The following ABI2 variants were observed in gnomAD, a reference collection of about 807,000 sequenced individuals.
The protein encoded by ABI2 is abl interactor 2.
Under a neutral mutation model 59.2 loss-of-function variants are expected in ABI2, and 25 were observed. The observed-to-expected ratio is 0.42, with a 90% confidence interval of 0.31 to 0.59. ABI2 has a LOEUF of 0.59. Ranked by LOEUF, ABI2 falls within the 20% of genes least tolerant of loss-of-function variation. The pLI is 0.14. For missense variants in ABI2, 545 were observed against 681.8 expected (o/e 0.80, Z 2.23); for synonymous variants, 213 against 235.5 (o/e 0.90, Z 0.87).
At chr2:203,350,887 TGTGTGC>T (rs760934002) in intron 1 of ABI2, among the ~76,000 whole-genome samples, 402 of 114,308 alleles carry the variant, frequency 3.5e-3, no homozygotes, top group African/African-American at 8.7e-3. Flanking sequence ...TGTGTGTGTG[TGTGTGC>T]GCGCGCGCAT....
intron 8 of ABI2, among the ~76,000 whole-genome samples, chr2:203,399,754 A>G (rs1234137013): frequency 6.6e-6 from 1 of 151,956 alleles, no homozygotes; most frequent in Non-Finnish European, 1.5e-5. Flanking sequence ...ACCTCAGGTG[A>G]TCCGCCCGCC....
Position 203,407,413 on chromosome 2 carries a change from C to T in ABI2, c.1193-3872C>T, listed in dbSNP as rs375660963. On this transcript the variant is annotated intron_variant, in intron 9 of 11. Coordinates refer to ENST00000261018, the MANE Select transcript of ABI2 (RefSeq NM_001375670.1). ...GACTTTAGAAGTAGTTTTTAGAGCG[C>T]TTATTTTGTCTAATATTCTCAGAGT... Among the ~76,000 whole-genome samples, 41 of 152,250 alleles carry T rather than the reference C, an allele frequency of 2.7e-4. No homozygotes were observed. The South Asian group carries it at 8.1e-3, about 30-fold the overall frequency.
Position 203,429,804 on chromosome 2 carries a change from G to C in ABI2, c.*2452G>C, listed in dbSNP as rs918370317. The C allele has an allele frequency of 2.2e-4, 33 of 151,220 alleles. No homozygotes were observed. Among genetic ancestry groups the C allele is most frequent in the Admixed American group, 6.6e-4 (10 of 15,170 alleles). The allele number at this position is 151,220 out of a possible 1,614,324, so 9.4% of individuals were successfully genotyped here. On this transcript the variant is annotated 3_prime_UTR_variant, in exon 12 of 12. Transcript: ENST00000261018. ...AGCTCACCACTACAGAAGCAGGGAA[G>C]ACAACTATGCAGAAAACAGAGTTAG...
At chr2:203,337,757 A>G (rs1167373447) in intron 1 of ABI2, among the ~76,000 whole-genome samples, 1 of 152,248 alleles carries the variant, frequency 6.6e-6, no homozygotes, top group Non-Finnish European at 1.5e-5. Context: ...TAGGCCTGGC[A>G]TGGTGGTTCA....
At chr2:203,415,568 G>C (rs2097856200) in intron 10 of ABI2, among the ~76,000 whole-genome samples, 1 of 120,370 alleles carries the variant, frequency 8.3e-6, no homozygotes. Flanking sequence ...AATGAGCCGA[G>C]ATCACACCAC....
intron 8 of ABI2, among the ~76,000 whole-genome samples, chr2:203,400,555 TTA>T (rs1476362426): frequency 1.3e-5 from 2 of 152,238 alleles, no homozygotes; most frequent in African/African-American, 4.8e-5. Context: ...AAATCATAGT[TTA>T]TATGTTTTCA....
chr2:203,351,680 TG>T (rs1310918029), intron 1 of ABI2: 2 of 362,620 alleles, frequency 5.5e-6, no homozygotes, highest in Admixed American at 4.1e-5. Flanking sequence ...GGACTACAGG[TG>T]CGTGCTACTG....
chr2:203,344,422 G>A (rs573785524), intron 1 of ABI2, among the ~76,000 whole-genome samples: 1 of 151,982 alleles, frequency 6.6e-6, no homozygotes, highest in South Asian at 2.1e-4. Flanking sequence ...TTGGAGTGCA[G>A]GGGCGTGATC....
chr2:203,399,609 G>A (rs1166258135), intron 8 of ABI2, among the ~76,000 whole-genome samples: 2 of 152,144 alleles, frequency 1.3e-5, no homozygotes, highest in Admixed American at 6.5e-5. Flanking sequence ...TCCGCCTCGC[G>A]GGTTCAAGCG....
At position 203,431,988 on chromosome 2, in the gene ABI2, T is replaced by TGAG. The variant is rs1188459641; in HGVS notation, c.*4637_*4639dup. The TGAG allele has an allele frequency of 6.6e-6, 1 of 152,182 alleles. No individual in the cohort carries two copies. The highest frequency in any genetic ancestry group is 2.4e-5 in the African/African-American group (1 of 41,458). The allele number at this position is 152,182 out of a possible 1,614,324, so 9.4% of individuals were successfully genotyped here. A position where few individuals can be genotyped will look rare whatever the true frequency, so the allele number is the denominator to read the frequency against. Reference sequence around the variant, plus strand: ...CCCAGAGGGAGAGTTGGTGGTATTATGAGTTGAGTAAAAACCATCCAGGGG... The same window carrying TGAG: ...CCCAGAGGGAGAGTTGGTGGTATTATGAGGAGTTGAGTAAAAACCATCCAGGGG... On this transcript the variant is annotated 3_prime_UTR_variant, in exon 12 of 12. Transcript: ENST00000261018.
chr2:203,338,701 T>C (rs1020157656), intron 1 of ABI2, among the ~76,000 whole-genome samples: 2 of 151,372 alleles, frequency 1.3e-5, no homozygotes, highest in Admixed American at 6.6e-5. Flanking sequence ...GAAGAAAACA[T>C]AGGGGAAAAA....
chr2:203,348,788 G>C (rs937744106), intron 1 of ABI2, among the ~76,000 whole-genome samples: 1 of 151,218 alleles, frequency 6.6e-6, no homozygotes, highest in Non-Finnish European at 1.5e-5. Flanking sequence ...TCTGTCTCCA[G>C]AGTGGTACAT....
intron 4 of ABI2, among the ~76,000 whole-genome samples, chr2:203,388,472 C>T (rs1490819765): frequency 6.6e-6 from 1 of 152,202 alleles, no homozygotes; most frequent in South Asian, 2.1e-4. Context: ...CACCTGAGGT[C>T]AGGAGTTCGA....
chr2:203,367,210 G>A (rs1453850173), intron 2 of ABI2, 166 bp downstream of exon 2: 19 of 915,618 alleles, frequency 2.1e-5, no homozygotes, highest in Middle Eastern at 3.6e-4. Context: ...TTTGTGGGAT[G>A]GTTATCTTCT....
Position 203,417,034 on chromosome 2 carries a change from A to T in ABI2, c.1406A>T (p.Tyr469Phe), listed in dbSNP as rs1233606227. The T allele has an allele frequency of 6.2e-7, 1 of 1,614,014 alleles. No individual in the cohort carries two copies. Among genetic ancestry groups the T allele is most frequent in the Non-Finnish European group, 8.5e-7 (1 of 1,179,980 alleles). Residue 469 changes from tyrosine (Y) to phenylalanine (F), a missense_variant, in exon 11 of 12, where the codon TAT becomes TTT. Coordinates refer to ENST00000261018, the MANE Select transcript of ABI2 (RefSeq NM_001375670.1). Reference sequence around the variant, plus strand: ...GCTGTGGTTGAGTATAGTGATCCTTATGCTGAAGAGGACCCACCGTGGGCT... The same window carrying T: ...GCTGTGGTTGAGTATAGTGATCCTTTTGCTGAAGAGGACCCACCGTGGGCT... The part of the protein sequence containing the change: ...EAAVVEYSDP[Y>F]AEEDPPWAPR...
At position 203,366,873 on chromosome 2, in the gene ABI2, C is replaced by T; in HGVS notation, c.118-4C>T. Reference sequence around the variant, plus strand: ...AATGATCACTGGTTTGTTTTTTTTCCCAGTCAGCAGATAAGCAGAGAGCCC... The same window carrying T: ...AATGATCACTGGTTTGTTTTTTTTCTCAGTCAGCAGATAAGCAGAGAGCCC... On this transcript the variant is annotated splice_polypyrimidine_tract_variant and splice_region_variant and intron_variant, in intron 1 of 11. Transcript: ENST00000261018. 5 of 1,513,764 alleles carry T rather than the reference C, an allele frequency of 3.3e-6. No individual in the cohort carries two copies. The highest frequency in any genetic ancestry group is 2.7e-5 in the South Asian group (2 of 74,470). 93.8% of individuals were successfully genotyped at this position (1,513,764 alleles called of 1,614,324 possible). A position where few individuals can be genotyped will look rare whatever the true frequency, so the allele number is the denominator to read the frequency against.
At chr2:203,416,834 AC>A in intron 10 of ABI2, 73 bp from the exon 11 acceptor site, 1 of 1,431,202 alleles carries the variant, frequency 7.0e-7, no homozygotes, top group Non-Finnish European at 9.4e-7. Flanking sequence ...TATTCCATGA[AC>A]CCAGAAGCTT....
chr2:203,353,696 C>T (rs2090267177), intron 1 of ABI2, among the ~76,000 whole-genome samples: 1 of 152,124 alleles, frequency 6.6e-6, no homozygotes, highest in African/African-American at 2.4e-5. Flanking sequence ...TGGGGTTTTA[C>T]CATGTTGGCC....
intron 1 of ABI2, among the ~76,000 whole-genome samples, chr2:203,359,903 T>A (rs2093152990): frequency 6.6e-6 from 1 of 152,064 alleles, no homozygotes; most frequent in African/African-American, 2.4e-5. Context: ...TTAAGCAGTT[T>A]TGGCCAGGTA....
Sources: gnomAD v4.1 joint callset for allele counts (sites outside exome capture counted in the v4.1 genomes callset) on GRCh38, gnomAD v4.1.1 for gene constraint, MANE v1.5 for transcripts, NCBI Gene and HGNC (gene_info 2026-07-23, HGNC 2026-07-21) for gene names.